MROH2B: variants seen among roughly 807,000 people sequenced by gnomAD.
MROH2B encodes maestro heat-like repeat-containing protein family member 2B.
In MROH2B, 177 loss-of-function variants were observed where a neutral mutation model predicts 208.6. That is an observed-to-expected ratio of 0.85 (90% CI 0.75 to 0.96). MROH2B has a LOEUF of 0.96. Among genes scored for constraint, MROH2B ranks in the 40% least tolerant of loss-of-function variants. The pLI, the probability that MROH2B is intolerant of heterozygous loss-of-function variation, is 0.00. For synonymous variants in MROH2B, 728 were observed against 659.0 expected (o/e 1.10, Z -1.60); for missense variants, 2,002 against 1,878.7 (o/e 1.07, Z -1.21).
intron 24 of MROH2B, among the ~76,000 whole-genome samples, chr5:41,024,361 CAA>C (rs1286178007): frequency 6.6e-6 from 1 of 151,366 alleles, no homozygotes; most frequent in Admixed American, 6.6e-5. Context: ...AAATGGAAAA[CAA>C]AAAAAGGCAG....
At chr5:41,012,258 G>A (rs184261301) in intron 30 of MROH2B, among the ~76,000 whole-genome samples, 199 of 152,292 alleles carry the variant, frequency 1.3e-3, no homozygotes, top group African/African-American at 4.6e-3. Flanking sequence ...TTGTCTCAAA[G>A]TCATCCACAT....
intron 24 of MROH2B, among the ~76,000 whole-genome samples, chr5:41,020,464 G>T (rs1742109183): frequency 6.6e-6 from 1 of 152,126 alleles, no homozygotes; most frequent in Non-Finnish European, 1.5e-5. Flanking sequence ...CACATTTGGA[G>T]AAATTATGTG....
chr5:41,040,102 G>T (rs1293472255), intron 19 of MROH2B, among the ~76,000 whole-genome samples: 6 of 152,178 alleles, frequency 3.9e-5, no homozygotes, highest in Admixed American at 3.9e-4. Flanking sequence ...CTTTTAGGCC[G>T]TCCCCAAGAT....
intron 15 of MROH2B, 144 bp downstream of exon 15, chr5:41,048,957 T>C: frequency 2.9e-6 from 2 of 701,574 alleles, no homozygotes; most frequent in Non-Finnish European, 4.7e-6. Context: ...TGAATGTCAC[T>C]AGTATAGCAG....
chr5:41,037,349 T>C (rs1226978804), intron 21 of MROH2B, among the ~76,000 whole-genome samples: 2 of 152,196 alleles, frequency 1.3e-5, no homozygotes, highest in Non-Finnish European at 2.9e-5. Flanking sequence ...TTTATTATGT[T>C]TTCTATTCTC....
At position 41,005,524 on chromosome 5, in the gene MROH2B, C is replaced by A; in HGVS notation, c.3864+7G>T. 6.4e-7 allele frequency: 1 copy of A among 1,560,116 alleles called. No homozygotes were observed. ...GTGAGTGTGCTCTGAGGGCTGTTCTCCCTTGCCTCAGAGAAGAAAGCTGCG... is the reference window on the plus strand; with the variant it reads ...GTGAGTGTGCTCTGAGGGCTGTTCTACCTTGCCTCAGAGAAGAAAGCTGCG... On this transcript the variant is annotated splice_region_variant and intron_variant, in intron 35 of 41. Coordinates refer to ENST00000399564, the MANE Select transcript of MROH2B (RefSeq NM_173489.5).
chr5:41,046,864 C>G (rs552739500), intron 17 of MROH2B, among the ~76,000 whole-genome samples: 2 of 151,996 alleles, frequency 1.3e-5, no homozygotes, highest in Middle Eastern at 6.8e-3. Flanking sequence ...AATTGAGGAC[C>G]AGGAGAGTAG....
chr5:41,039,841 G>C (rs1742888418), intron 19 of MROH2B, among the ~76,000 whole-genome samples: 1 of 152,220 alleles, frequency 6.6e-6, no homozygotes, highest in African/African-American at 2.4e-5. Flanking sequence ...AGTAGGTAGT[G>C]AGGATTGGGG....
At chr5:41,027,681 T>G (rs1742420618) in intron 24 of MROH2B, among the ~76,000 whole-genome samples, 1 of 152,198 alleles carries the variant, frequency 6.6e-6, no homozygotes, top group Non-Finnish European at 1.5e-5. Context: ...AGCAATCCCA[T>G]TACTGGGTAT....
chr5:41,070,477 C>T (rs918213553), intron 1 of MROH2B, among the ~76,000 whole-genome samples: 3 of 152,022 alleles, frequency 2.0e-5, no homozygotes, highest in Non-Finnish European at 4.4e-5. Flanking sequence ...ATCTTTTTGG[C>T]AAAGTAGAAA....
intron 13 of MROH2B, 89 bp downstream of exon 13, chr5:41,050,888 G>A (rs550053269): frequency 2.4e-6 from 2 of 841,614 alleles, no homozygotes; most frequent in Non-Finnish European, 3.7e-6. Context: ...ATGACAAATG[G>A]AGAACAAACT....
intron 17 of MROH2B, among the ~76,000 whole-genome samples, chr5:41,046,075 G>A (rs934580439): frequency 6.6e-6 from 1 of 152,116 alleles, no homozygotes; most frequent in Non-Finnish European, 1.5e-5. Context: ...TACACAGAAT[G>A]TGGAAAATCA....
At position 40,999,768 on chromosome 5, in the gene MROH2B, G is replaced by T. The variant is rs201575411; in HGVS notation, c.4494C>A (p.Asn1498Lys). ...RQFCVKLAKKNQEILWILHTH... is the reference protein window; with the variant it reads ...RQFCVKLAKKKQEILWILHTH... Reference sequence around the variant, plus strand: ...TGTGGAGGATCCACAGAATTTCCTGGTTTTTCTTGGCCTAGAAGAGATGTG... The same window carrying T: ...TGTGGAGGATCCACAGAATTTCCTGTTTTTTCTTGGCCTAGAAGAGATGTG... Residue 1498 changes from asparagine to lysine, a missense_variant, in exon 40 of 42, where the codon AAC becomes AAA. Transcript: ENST00000399564. 2.3e-5 allele frequency: 37 copies of T among 1,613,220 alleles called. No individual in the cohort carries two copies. The highest frequency in any genetic ancestry group is 2.4e-5 in the Non-Finnish European group (28 of 1,179,486).
At chr5:41,053,186 AAAC>A (rs1743338968) in intron 11 of MROH2B, among the ~76,000 whole-genome samples, 1 of 152,216 alleles carries the variant, frequency 6.6e-6, no homozygotes, top group Non-Finnish European at 1.5e-5. Context: ...TTCAGAGTCC[AAAC>A]AACTATGAAA....
At chr5:41,010,692 G>A (rs1174159082) in intron 30 of MROH2B, among the ~76,000 whole-genome samples, 3 of 152,152 alleles carry the variant, frequency 2.0e-5, no homozygotes, top group African/African-American at 7.2e-5. Context: ...TATACTGGTG[G>A]ATACATGTCA....
At chr5:41,028,085 G>A (rs1428788987) in intron 24 of MROH2B, among the ~76,000 whole-genome samples, 1 of 152,132 alleles carries the variant, frequency 6.6e-6, no homozygotes, top group African/African-American at 2.4e-5. Context: ...TATACCTAAT[G>A]TAAATGTCGA....
At chr5:41,007,196 G>A (rs913799757) in intron 34 of MROH2B, 118 bp downstream of exon 34, 5 of 994,932 alleles carry the variant, frequency 5.0e-6, no homozygotes, top group African/African-American at 3.4e-5. Context: ...GTCCTCCTTC[G>A]ACTATTAGTC....
At chr5:41,019,281 A>T (rs546300629) in intron 24 of MROH2B, among the ~76,000 whole-genome samples, 4 of 152,214 alleles carry the variant, frequency 2.6e-5, no homozygotes, top group Middle Eastern at 3.4e-3. Flanking sequence ...TGTGTTCCTT[A>T]ACACTATTAT....
intron 24 of MROH2B, among the ~76,000 whole-genome samples, chr5:41,027,955 G>T (rs761448927): frequency 1.3e-5 from 2 of 151,512 alleles, no homozygotes; most frequent in East Asian, 1.9e-4. Flanking sequence ...ACCAAACACC[G>T]CTTGTTCTCA....
Sources: gnomAD v4.1 joint callset for allele counts (sites outside exome capture counted in the v4.1 genomes callset) on GRCh38, gnomAD v4.1.1 for gene constraint, MANE v1.5 for transcripts, NCBI Gene and HGNC (gene_info 2026-07-23, HGNC 2026-07-21) for gene names.